Variants in RGS7 observed in about 807,000 individuals in gnomAD.
RGS7 encodes regulator of G-protein signaling 7.
A neutral mutation model predicts 81.1 loss-of-function variants in RGS7; 27 were observed. That is an observed-to-expected ratio of 0.33 (90% CI 0.25 to 0.46). The LOEUF (loss-of-function observed/expected upper bound fraction) is 0.46. Ranked by LOEUF, RGS7 falls within the 20% of genes least tolerant of loss-of-function variation. RGS7 has a pLI of 1.00. For synonymous variants in RGS7, 208 were observed against 207.7 expected (o/e 1.00, Z -0.01); for missense variants, 396 against 607.4 (o/e 0.65, Z 3.66).
At chr1:241,037,449 A>G (rs12085795) in intron 3 of RGS7, among the ~76,000 whole-genome samples, 16,302 of 152,176 alleles carry the variant, frequency 0.11, 1,092 homozygotes, top group African/African-American at 0.19. Context: ...GGCCGGGCCC[A>G]GTGGCTCATG....
chr1:241,245,238 T>C (rs1319652796), intron 2 of RGS7, among the ~76,000 whole-genome samples: 1 of 152,012 alleles, frequency 6.6e-6, no homozygotes, highest in African/African-American at 2.4e-5. Flanking sequence ...TGGGAGGTGA[T>C]TGGATCATGA....
At chr1:240,841,881 C>T (rs1043587500) in intron 9 of RGS7, among the ~76,000 whole-genome samples, 1 of 152,112 alleles carries the variant, frequency 6.6e-6, no homozygotes, top group Admixed American at 6.5e-5. Context: ...ACTTTTAAAA[C>T]ATGTTAATAA....
intron 3 of RGS7, among the ~76,000 whole-genome samples, chr1:241,000,057 G>A (rs1366684157): frequency 2.6e-5 from 4 of 152,166 alleles, no homozygotes; most frequent in Non-Finnish European, 5.9e-5. Context: ...ACTGCAGTGA[G>A]GGTGGCCTGG....
intron 2 of RGS7, among the ~76,000 whole-genome samples, chr1:241,302,316 G>A (rs556741443): frequency 5.9e-5 from 9 of 152,292 alleles, no homozygotes; most frequent in East Asian, 1.9e-4. Context: ...TTGGGAGGCC[G>A]AGGTGGGTGG....
chr1:241,297,487 G>T (rs2079496037), intron 2 of RGS7, among the ~76,000 whole-genome samples: 2 of 152,136 alleles, frequency 1.3e-5, no homozygotes, highest in African/African-American at 4.8e-5. Flanking sequence ...GATGGGGCGG[G>T]GAAAATCCAT....
chr1:241,238,966 C>CTCT (rs397786851), intron 2 of RGS7, among the ~76,000 whole-genome samples: 36,870 of 107,586 alleles, frequency 0.34, 6,736 homozygotes, highest in South Asian at 0.38. Context: ...GCCTCTCTCT[C>CTCT]TTTTTTTTTT....
At chr1:240,900,799 G>A (rs552253017) in intron 6 of RGS7, among the ~76,000 whole-genome samples, 1 of 152,330 alleles carries the variant, frequency 6.6e-6, no homozygotes, top group East Asian at 1.9e-4. Context: ...TGTGCTGGGA[G>A]AAGCACTACT....
intron 6 of RGS7, among the ~76,000 whole-genome samples, chr1:240,888,448 T>C (rs1340406074): frequency 6.6e-6 from 1 of 152,150 alleles, no homozygotes; most frequent in East Asian, 1.9e-4. Flanking sequence ...GGATACTGGA[T>C]GTATTCATTT....
rs116567137 is a variant in RGS7 at position 241,022,584 on chromosome 1, G to A, written c.176-39455C>T. ...GCCCCCATCCAGGAACTGACTCAGC[G>A]CAAGAAGACAGCTTTGACTCCCTAT... On this transcript the variant is annotated intron_variant, in intron 3 of 18. Coordinates refer to ENST00000440928, the MANE Select transcript of RGS7 (RefSeq NM_001364886.1). Among the ~76,000 whole-genome samples, 496 of 152,196 alleles carry A rather than the reference G, an allele frequency of 3.3e-3. 1 individual carries two copies. The highest frequency in any genetic ancestry group is 0.011 in the African/African-American group (448 of 41,526).
At chr1:241,019,863 T>C (rs2059452903) in intron 3 of RGS7, among the ~76,000 whole-genome samples, 1 of 152,228 alleles carries the variant, frequency 6.6e-6, no homozygotes, top group Non-Finnish European at 1.5e-5. Flanking sequence ...GAAAATGATA[T>C]GTTGACCTAT....
intron 2 of RGS7, among the ~76,000 whole-genome samples, chr1:241,122,036 C>A (rs1377806469): frequency 6.6e-6 from 1 of 152,090 alleles, no homozygotes; most frequent in Non-Finnish European, 1.5e-5. Context: ...TTATTAAGTT[C>A]TTTTCCAAGA....
At chr1:241,082,269 T>C (rs1462058604) in intron 3 of RGS7, among the ~76,000 whole-genome samples, 1 of 152,180 alleles carries the variant, frequency 6.6e-6, no homozygotes, top group African/African-American at 2.4e-5. Flanking sequence ...GTCCCAATAA[T>C]ATTCACTCCA....
At chr1:241,308,685 G>A (rs187088718) in intron 2 of RGS7, among the ~76,000 whole-genome samples, 1 of 152,200 alleles carries the variant, frequency 6.6e-6, no homozygotes, top group East Asian at 1.9e-4. Flanking sequence ...TTTCCAGCAC[G>A]CTCTCCAGGC....
intron 2 of RGS7, among the ~76,000 whole-genome samples, chr1:241,334,855 C>CAGACTTTTTAAATAAATGCGAA (rs149837965): frequency 0.078 from 11,910 of 152,176 alleles, 1,320 homozygotes; most frequent in African/African-American, 0.25. Flanking sequence ...TTGTGTTACA[C>CAGACTTTTTAAATAAATGCGAA]TACAGAATAA....
At chr1:240,968,428 T>C (rs1682681442) in intron 4 of RGS7, among the ~76,000 whole-genome samples, 3 of 152,122 alleles carry the variant, frequency 2.0e-5, no homozygotes, top group Non-Finnish European at 4.4e-5. Context: ...GAATTCAACA[T>C]GGTGCGTATA....
At chr1:241,112,788 C>T (rs967865475) in intron 2 of RGS7, among the ~76,000 whole-genome samples, 11 of 152,072 alleles carry the variant, frequency 7.2e-5, no homozygotes, top group Non-Finnish European at 1.5e-4. Flanking sequence ...CTAGTGTTGC[C>T]GATTCAAGGC....
chr1:240,943,664 G>A (rs1440002997), intron 4 of RGS7, among the ~76,000 whole-genome samples: 1 of 152,122 alleles, frequency 6.6e-6, no homozygotes. Context: ...TTTCCCTACA[G>A]CAAAGAACAC....
At chr1:241,129,750 GC>G (rs1207156135) in intron 2 of RGS7, among the ~76,000 whole-genome samples, 1 of 152,036 alleles carries the variant, frequency 6.6e-6, no homozygotes, top group Non-Finnish European at 1.5e-5. Flanking sequence ...ATAGGGTGGG[GC>G]CCACGAGTCT....
At chr1:241,263,985 T>C (rs1439862645) in intron 2 of RGS7, among the ~76,000 whole-genome samples, 1 of 152,180 alleles carries the variant, frequency 6.6e-6, no homozygotes, top group Non-Finnish European at 1.5e-5. Flanking sequence ...GAAATCACTG[T>C]CATTTCCAAA....
Sources: allele counts gnomAD v4.1 joint callset (sites outside exome capture counted in the v4.1 genomes callset), GRCh38; gene constraint gnomAD v4.1.1; transcripts MANE v1.5; gene names NCBI Gene and HGNC (gene_info 2026-07-23, HGNC 2026-07-21).